Variants in AFF1 observed in about 807,000 individuals in gnomAD.
AFF1 encodes AF4/FMR2 family member 1.
Under a neutral mutation model 121.7 loss-of-function variants are expected in AFF1, and 48 were observed. That is an observed-to-expected ratio of 0.39 (90% CI 0.31 to 0.50). AFF1 has a LOEUF of 0.50. Ranked by LOEUF, AFF1 falls within the 20% of genes least tolerant of loss-of-function variation. The probability of loss-of-function intolerance (pLI) is 0.76; values close to 1 mark genes in which losing one functional copy is unlikely to be tolerated. For synonymous variants in AFF1, 613 were observed against 563.0 expected (o/e 1.09, Z -1.26); for missense variants, 1,523 against 1,511.7 (o/e 1.01, Z -0.12).
At chr4:87,129,946 C>G (rs1303161256) in intron 16 of AFF1, among the ~76,000 whole-genome samples, 1 of 151,738 alleles carries the variant, frequency 6.6e-6, no homozygotes, top group Admixed American at 6.6e-5. Context: ...CCACTTACAT[C>G]TTTACTATTT....
intron 4 of AFF1, among the ~76,000 whole-genome samples, chr4:87,059,939 A>G (rs1351999067): frequency 1.3e-5 from 2 of 152,202 alleles, no homozygotes; most frequent in East Asian, 1.9e-4. Flanking sequence ...GAACTTTGCT[A>G]CGCTGTGCTC....
At chr4:86,996,003 C>G (rs1725149272) in intron 2 of AFF1, among the ~76,000 whole-genome samples, 1 of 151,156 alleles carries the variant, frequency 6.6e-6, no homozygotes, top group Non-Finnish European at 1.5e-5. Flanking sequence ...CGGCAGCCGC[C>G]CCGTCTGAGA....
chr4:86,981,054 C>T (rs1297137622), intron 2 of AFF1, among the ~76,000 whole-genome samples: 2 of 151,066 alleles, frequency 1.3e-5, no homozygotes, highest in East Asian at 3.9e-4. Flanking sequence ...GCTCTGTCGC[C>T]CAGGCTGGAG....
At chr4:87,082,947 G>A (rs1002654315) in intron 4 of AFF1, among the ~76,000 whole-genome samples, 1 of 152,162 alleles carries the variant, frequency 6.6e-6, no homozygotes, top group African/African-American at 2.4e-5. Flanking sequence ...TAGCTGCGAG[G>A]TAGGTATTAA....
intron 2 of AFF1, among the ~76,000 whole-genome samples, chr4:86,987,588 C>CAATAACCACCAGAG: frequency 6.6e-6 from 1 of 152,292 alleles, no homozygotes; most frequent in African/African-American, 2.4e-5. Flanking sequence ...AAACCAGAAG[C>CAATAACCACCAGAG]AATAACCACC....
intron 4 of AFF1, among the ~76,000 whole-genome samples, chr4:87,061,106 G>A (rs1216216955): frequency 6.6e-6 from 1 of 152,154 alleles, no homozygotes; most frequent in Non-Finnish European, 1.5e-5. Flanking sequence ...TGACTCACCT[G>A]TAGTTCAGAT....
At chr4:86,978,628 A>G (rs1723496427) in intron 2 of AFF1, among the ~76,000 whole-genome samples, 1 of 152,012 alleles carries the variant, frequency 6.6e-6, no homozygotes, top group Non-Finnish European at 1.5e-5. Flanking sequence ...ATAAAGTTTC[A>G]TAGTGAGCCT....
At chr4:87,065,369 C>G (rs1252502933) in intron 4 of AFF1, among the ~76,000 whole-genome samples, 2 of 152,220 alleles carry the variant, frequency 1.3e-5, no homozygotes, top group East Asian at 3.9e-4. Flanking sequence ...CCACCAGCTC[C>G]CTCCCACAAC....
rs895486178 is a variant in AFF1, at chr4:87,025,464, C to T, written c.39-20702C>T. On this transcript the variant is annotated intron_variant, in intron 2 of 20. Transcript: ENST00000395146. ...TAAATGTAGCCATTGGCAAAGATTT[C>T]CCATGTCAGTTCCTTCCGTCCTGCA... is the stretch of plus-strand genomic sequence containing the variant. Among the ~76,000 whole-genome samples the T allele has an allele frequency of 4.6e-5, 7 of 152,324 alleles. No individual in the cohort carries two copies. In the East Asian group the frequency reaches 1.3e-3, roughly 29 times the overall value.
intron 2 of AFF1, 106 bp downstream of exon 2, chr4:86,948,677 C>G (rs376099108): frequency 1.1e-4 from 110 of 1,033,142 alleles, no homozygotes; most frequent in Non-Finnish European, 1.4e-4. Context: ...TAAGAACTCA[C>G]GGGTGCAAGA....
At chr4:87,093,821 A>G (rs543136579) in intron 7 of AFF1, among the ~76,000 whole-genome samples, 9 of 152,152 alleles carry the variant, frequency 5.9e-5, no homozygotes, top group Non-Finnish European at 8.8e-5. Context: ...AAAGGTACCC[A>G]TGTTTCTTTT....
intron 7 of AFF1, among the ~76,000 whole-genome samples, chr4:87,094,555 T>C (rs1304202825): frequency 6.6e-6 from 1 of 152,144 alleles, no homozygotes; most frequent in Non-Finnish European, 1.5e-5. Flanking sequence ...ATCACTAATA[T>C]CTTTGTAAAG....
At chr4:86,943,444 A>T (rs948343804) in intron 1 of AFF1, among the ~76,000 whole-genome samples, 5 of 152,192 alleles carry the variant, frequency 3.3e-5, no homozygotes, top group Admixed American at 6.5e-5. Context: ...GGTAAAGGAG[A>T]AGTATAGTTG....
chr4:87,046,324 T>C (rs759287328), intron 3 of AFF1, 38 bp downstream of exon 3: 5 of 1,602,610 alleles, frequency 3.1e-6, no homozygotes, highest in African/African-American at 1.4e-5. Flanking sequence ...TCCTGATTTA[T>C]CACAATGTTG....
intron 1 of AFF1, among the ~76,000 whole-genome samples, chr4:86,941,938 T>A (rs572404813): frequency 6.7e-6 from 1 of 150,142 alleles, no homozygotes; most frequent in African/African-American, 2.4e-5. Context: ...ACCTTTCCAA[T>A]CCTCCGTTTT....
At chr4:86,939,346 G>A (rs1250190157) in intron 1 of AFF1, among the ~76,000 whole-genome samples, 1 of 152,162 alleles carries the variant, frequency 6.6e-6, no homozygotes, top group African/African-American at 2.4e-5. Context: ...TGGCTATGTT[G>A]ATGTGTGGTT....
chr4:86,990,163 A>AATT, intron 2 of AFF1, among the ~76,000 whole-genome samples: 1 of 79,466 alleles, frequency 1.3e-5, no homozygotes, highest in East Asian at 2.8e-4. Context: ...CCAGAACTTA[A>AATT]ATTATAATAA....
At chr4:86,970,678 G>T (rs184037914) in intron 2 of AFF1, among the ~76,000 whole-genome samples, 3 of 152,292 alleles carry the variant, frequency 2.0e-5, no homozygotes, top group Admixed American at 2.0e-4. Context: ...GTGTCAGCTG[G>T]ATGAAGGAAA....
chr4:86,951,142 C>A (rs2149453649), intron 2 of AFF1, among the ~76,000 whole-genome samples: 1 of 152,274 alleles, frequency 6.6e-6, no homozygotes, highest in South Asian at 2.1e-4. Flanking sequence ...CAACCCTGGG[C>A]TTGCATTGTC....
Sources: allele counts gnomAD v4.1 joint callset (sites outside exome capture counted in the v4.1 genomes callset), GRCh38; gene constraint gnomAD v4.1.1; transcripts MANE v1.5; gene names NCBI Gene and HGNC (gene_info 2026-07-23, HGNC 2026-07-21).